The following CSMD3 variants were observed in gnomAD, a reference collection of about 807,000 sequenced individuals.
CSMD3 encodes CUB and sushi domain-containing protein 3.
In CSMD3, 177 loss-of-function variants were observed where a neutral mutation model predicts 435.2. The observed-to-expected ratio is 0.41, with a 90% confidence interval of 0.36 to 0.46. The LOEUF (loss-of-function observed/expected upper bound fraction) is 0.46. Ranked by LOEUF, CSMD3 falls within the 20% of genes least tolerant of loss-of-function variation. The pLI is 0.34. For synonymous variants in CSMD3, 1,656 were observed against 1,520.5 expected (o/e 1.09, Z -2.07); for missense variants, 4,265 against 4,504.6 (o/e 0.95, Z 1.52).
At chr8:113,292,064 A>T (rs1004394924) in intron 2 of CSMD3, among the ~76,000 whole-genome samples, 2 of 151,752 alleles carry the variant, frequency 1.3e-5, no homozygotes, top group East Asian at 3.9e-4. Context: ...TGTCCCAGGT[A>T]TTCAATTAAT....
At chr8:112,559,553 A>T (rs1212429080) in intron 24 of CSMD3, among the ~76,000 whole-genome samples, 2 of 151,830 alleles carry the variant, frequency 1.3e-5, no homozygotes, top group East Asian at 3.9e-4. Context: ...AGACATCATC[A>T]TCATCATTAT....
intron 1 of CSMD3, among the ~76,000 whole-genome samples, chr8:113,398,072 T>C (rs1279643456): frequency 6.6e-6 from 1 of 152,142 alleles, no homozygotes; most frequent in Non-Finnish European, 1.5e-5. Context: ...CTCGATAGCG[T>C]TAACCATTGT....
intron 63 of CSMD3, among the ~76,000 whole-genome samples, chr8:112,250,087 T>C (rs1291068219): frequency 1.3e-5 from 2 of 152,074 alleles, no homozygotes; most frequent in South Asian, 2.1e-4. Flanking sequence ...CTCTATACTT[T>C]AGATAATGTA....
At chr8:112,750,319 C>A (rs2077538513) in intron 13 of CSMD3, among the ~76,000 whole-genome samples, 1 of 150,964 alleles carries the variant, frequency 6.6e-6, no homozygotes. Context: ...AAGTATAATT[C>A]CATAATTATA....
chr8:113,375,335 G>A (rs1032673691), intron 1 of CSMD3, among the ~76,000 whole-genome samples: 1 of 152,042 alleles, frequency 6.6e-6, no homozygotes. Context: ...AACAGATACC[G>A]AATATCTACT....
At position 113,334,277 on chromosome 8, in the gene CSMD3, GTT is replaced by G. The variant is rs199620801; in HGVS notation, c.179-19486_179-19485del. Among the ~76,000 whole-genome samples the G allele has an allele frequency of 6.4e-3, 503 of 78,732 alleles. 2 individuals are homozygous for G. The highest frequency in any genetic ancestry group is 0.017 in the African/African-American group (443 of 26,358). The allele number at this position is 78,732 out of a possible 152,430, so 51.7% of individuals were successfully genotyped here. ...ATATCTGCAACTAGGGATAGTTTAA[GTT>G]TTTTTTTTTTTTTTTTCATTTCCAG... On this transcript the variant is annotated intron_variant, in intron 1 of 70. Coordinates refer to ENST00000297405, the MANE Select transcript of CSMD3 (RefSeq NM_198123.2).
At chr8:112,654,972 A>G (rs1282280645) in intron 18 of CSMD3, among the ~76,000 whole-genome samples, 2 of 152,226 alleles carry the variant, frequency 1.3e-5, no homozygotes, top group East Asian at 1.9e-4. Context: ...AAGGCACTTT[A>G]GTTCATTTGA....
chr8:112,336,086 A>G (rs1359402718), intron 44 of CSMD3, among the ~76,000 whole-genome samples: 1 of 151,214 alleles, frequency 6.6e-6, no homozygotes, highest in Non-Finnish European at 1.5e-5. Flanking sequence ...CTAATTTTTT[A>G]TTTTTTCTAG....
chr8:112,595,011 T>C (rs925188955), intron 22 of CSMD3, among the ~76,000 whole-genome samples: 2 of 152,166 alleles, frequency 1.3e-5, no homozygotes, highest in African/African-American at 4.8e-5. Context: ...CAAAGCTGAA[T>C]GGAGAATGAC....
intron 38 of CSMD3, among the ~76,000 whole-genome samples, chr8:112,353,055 A>G (rs553990659): frequency 2.5e-4 from 38 of 152,244 alleles, no homozygotes; most frequent in African/African-American, 8.9e-4. Context: ...TTTTTAAAAT[A>G]TAGTTGTAAG....
At chr8:112,553,600 C>T (rs1011800842) in intron 25 of CSMD3, among the ~76,000 whole-genome samples, 12 of 151,986 alleles carry the variant, frequency 7.9e-5, no homozygotes, top group Non-Finnish European at 1.2e-4. Context: ...GAGAACCCTC[C>T]CCTTATGGCT....
intron 3 of CSMD3, among the ~76,000 whole-genome samples, chr8:113,218,987 T>C (rs1445164613): frequency 6.6e-6 from 1 of 151,400 alleles, no homozygotes; most frequent in Non-Finnish European, 1.5e-5. Context: ...ATCACATATT[T>C]ATCTCAGTAG....
intron 13 of CSMD3, among the ~76,000 whole-genome samples, chr8:112,770,436 C>CCAAT (rs1481583845): frequency 6.6e-6 from 1 of 152,016 alleles, no homozygotes; most frequent in Non-Finnish European, 1.5e-5. Flanking sequence ...ACCAAACCTA[C>CCAAT]CAATGCCTTG....
chr8:113,292,404 A>G (rs749272102), intron 2 of CSMD3, among the ~76,000 whole-genome samples: 1 of 151,868 alleles, frequency 6.6e-6, no homozygotes, highest in Non-Finnish European at 1.5e-5. Flanking sequence ...ATTTTTTATC[A>G]TTAGATCAAC....
Position 113,400,247 on chromosome 8 carries a change from A to G in CSMD3, c.178+36430T>C, listed in dbSNP as rs1307317321. 2.0e-5 allele frequency among the ~76,000 whole-genome samples: 3 copies of G among 151,980 alleles called. No individual in the cohort carries two copies. The South Asian group carries it at 6.2e-4, about 31-fold the overall frequency. On this transcript the variant is annotated intron_variant, in intron 1 of 70. Coordinates refer to ENST00000297405, the MANE Select transcript of CSMD3 (RefSeq NM_198123.2). The stretch of plus-strand genomic sequence containing the variant: ...AGTTGTGATCTGGCTCCTTCATATT[A>G]CTTGTAAATCCCAGAAAAACATAAA...
intron 9 of CSMD3, among the ~76,000 whole-genome samples, chr8:112,944,459 A>G (rs1054142642): frequency 2.0e-5 from 3 of 151,746 alleles, no homozygotes; most frequent in African/African-American, 7.2e-5. Context: ...ACCAATAAAC[A>G]TGCTTTGGTC....
intron 9 of CSMD3, among the ~76,000 whole-genome samples, chr8:112,930,315 A>T (rs1240940498): frequency 6.6e-6 from 1 of 152,100 alleles, no homozygotes; most frequent in Admixed American, 6.6e-5. Flanking sequence ...AGATAAACCT[A>T]TTTGTATCTA....
Position 112,609,923 on chromosome 8 carries a change from A to G in CSMD3, c.3716-22688T>C, listed in dbSNP as rs372494842. 6.6e-5 allele frequency among the ~76,000 whole-genome samples: 10 copies of G among 152,150 alleles called. No individual in the cohort carries two copies. In the East Asian group the frequency reaches 7.7e-4, roughly 12 times the overall value. On this transcript the variant is annotated intron_variant, in intron 22 of 70. Coordinates refer to ENST00000297405, the MANE Select transcript of CSMD3 (RefSeq NM_198123.2). ...GGTAAGTGAAATAAGCCAGACACAC[A>G]AAGACAAATGCTCCATGATCTCATG... is the stretch of plus-strand genomic sequence containing the variant.
intron 32 of CSMD3, among the ~76,000 whole-genome samples, chr8:112,420,276 C>T (rs1206629879): frequency 2.0e-5 from 3 of 152,158 alleles, no homozygotes; most frequent in African/African-American, 7.2e-5. Context: ...TCCTATCCGA[C>T]CTGTATCCCC....
Sources: allele counts gnomAD v4.1 joint callset (sites outside exome capture counted in the v4.1 genomes callset), GRCh38; gene constraint gnomAD v4.1.1; transcripts MANE v1.5; gene names NCBI Gene and HGNC (gene_info 2026-07-23, HGNC 2026-07-21).